The following GRIK2 variants were observed in gnomAD, a reference collection of about 807,000 sequenced individuals.
GRIK2 encodes glutamate ionotropic receptor kainate type subunit 2, also known as glutamate receptor ionotropic, kainate 2.
Under a neutral mutation model 100.3 loss-of-function variants are expected in GRIK2, and 32 were observed. The ratio of observed to expected loss-of-function variants is 0.32; its 90% CI spans 0.24 to 0.43. GRIK2 has a LOEUF of 0.43. Among genes scored for constraint, GRIK2 ranks in the 20% least tolerant of loss-of-function variants. The probability of loss-of-function intolerance (pLI) is 1.00; values close to 1 mark genes in which losing one functional copy is unlikely to be tolerated. For synonymous variants in GRIK2, 417 were observed against 389.4 expected, an observed-to-expected ratio of 1.07 and a Z score of -0.83; for missense variants, 843 against 1,114.9, an observed-to-expected ratio of 0.76 and a Z score of 3.47.
At chr6:101,785,757 T>A (rs1378951102) in intron 7 of GRIK2, among the ~76,000 whole-genome samples, 1 of 152,156 alleles carries the variant, frequency 6.6e-6, no homozygotes, top group Non-Finnish European at 1.5e-5. Flanking sequence ...TTGTGATGCC[T>A]TCAGCTTTTT....
At chr6:101,946,429 G>A (rs1341792725) in intron 14 of GRIK2, among the ~76,000 whole-genome samples, 1 of 151,980 alleles carries the variant, frequency 6.6e-6, no homozygotes, top group African/African-American at 2.4e-5. Context: ...TACACAGGAG[G>A]CTGAGGTGGG....
chr6:101,642,214 C>G (rs1781306110), intron 4 of GRIK2, among the ~76,000 whole-genome samples: 1 of 151,752 alleles, frequency 6.6e-6, no homozygotes, highest in Admixed American at 6.6e-5. Context: ...GTACCATAAT[C>G]TTGTATTCAG....
At chr6:101,707,669 C>T (rs1056854134) in intron 7 of GRIK2, among the ~76,000 whole-genome samples, 22 of 146,958 alleles carry the variant, frequency 1.5e-4, no homozygotes, top group Non-Finnish European at 2.5e-4. Flanking sequence ...ATTCTGCAAG[C>T]GGGAAAAGAG....
intron 7 of GRIK2, among the ~76,000 whole-genome samples, chr6:101,743,226 TAAAC>T (rs1309385250): frequency 1.3e-5 from 2 of 152,038 alleles, no homozygotes; most frequent in Non-Finnish European, 2.9e-5. Context: ...AAAAACAACT[TAAAC>T]AATCGTTACC....
chr6:101,403,757 G>A (rs1487526006), intron 2 of GRIK2, among the ~76,000 whole-genome samples: 1 of 152,174 alleles, frequency 6.6e-6, no homozygotes, highest in African/African-American at 2.4e-5. Context: ...ACATCTGGAA[G>A]CAGGAAAACT....
intron 2 of GRIK2, among the ~76,000 whole-genome samples, chr6:101,486,356 A>C (rs929846451): frequency 7.4e-6 from 1 of 134,526 alleles, no homozygotes; most frequent in African/African-American, 2.7e-5. Context: ...GCCGAACTTG[A>C]AAAGCAGCAG....
At chr6:101,721,908 C>A (rs1001440889) in intron 7 of GRIK2, among the ~76,000 whole-genome samples, 1 of 151,960 alleles carries the variant, frequency 6.6e-6, no homozygotes, top group African/African-American at 2.4e-5. Context: ...ATGTTTCATG[C>A]TTTTCAAGGA....
At chr6:101,695,796 C>T (rs1772443970) in intron 7 of GRIK2, among the ~76,000 whole-genome samples, 1 of 152,028 alleles carries the variant, frequency 6.6e-6, no homozygotes, top group Non-Finnish European at 1.5e-5. Flanking sequence ...GTTCAGAATA[C>T]TTACATTAAG....
intron 2 of GRIK2, among the ~76,000 whole-genome samples, chr6:101,602,641 G>A (rs1684653554): frequency 6.6e-6 from 1 of 151,366 alleles, no homozygotes; most frequent in Non-Finnish European, 1.5e-5. Flanking sequence ...TGAGTTCATT[G>A]GTTATATGAC....
At chr6:101,988,560 T>C (rs1333287002) in intron 14 of GRIK2, among the ~76,000 whole-genome samples, 1 of 151,846 alleles carries the variant, frequency 6.6e-6, no homozygotes, top group Non-Finnish European at 1.5e-5. Context: ...CTTAATGCTC[T>C]GTGACTTATC....
At chr6:102,026,092 G>T (rs1210472039) in intron 14 of GRIK2, among the ~76,000 whole-genome samples, 2 of 108,464 alleles carry the variant, frequency 1.8e-5, no homozygotes, top group African/African-American at 3.6e-5. Flanking sequence ...AATGGTAAAG[G>T]CATATACATA....
chr6:101,586,381 A>G (rs1382835868), intron 2 of GRIK2, among the ~76,000 whole-genome samples: 2 of 152,124 alleles, frequency 1.3e-5, no homozygotes, highest in Non-Finnish European at 2.9e-5. Flanking sequence ...CATGGTACAG[A>G]GATCTCCAAG....
intron 14 of GRIK2, among the ~76,000 whole-genome samples, chr6:101,934,448 A>G (rs1403405195): frequency 3.3e-5 from 5 of 152,006 alleles, no homozygotes; most frequent in Non-Finnish European, 5.9e-5. Context: ...GGGTGATTGT[A>G]TATGATAGTA....
At chr6:101,861,968 G>A (rs1784759365) in intron 11 of GRIK2, among the ~76,000 whole-genome samples, 1 of 152,108 alleles carries the variant, frequency 6.6e-6, no homozygotes, top group Non-Finnish European at 1.5e-5. Context: ...TTGGATCCTG[G>A]TAAAATAGTT....
At chr6:102,006,160 C>T (rs929190490) in intron 14 of GRIK2, among the ~76,000 whole-genome samples, 6 of 151,390 alleles carry the variant, frequency 4.0e-5, no homozygotes, top group Non-Finnish European at 8.8e-5. Context: ...GAATTCTGCT[C>T]AGTAAATATT....
intron 2 of GRIK2, among the ~76,000 whole-genome samples, chr6:101,495,306 C>A (rs1773380652): frequency 6.6e-6 from 1 of 151,788 alleles, no homozygotes; most frequent in Admixed American, 6.6e-5. Context: ...GAGATCGAGA[C>A]CATCCTGGCT....
intron 2 of GRIK2, among the ~76,000 whole-genome samples, chr6:101,565,915 T>TTATTTATATA: frequency 8.1e-6 from 1 of 123,312 alleles, no homozygotes; most frequent in Admixed American, 8.1e-5. Context: ...TATACCTATT[T>TTATTTATATA]TATATATATA....
intron 4 of GRIK2, among the ~76,000 whole-genome samples, chr6:101,663,636 A>G (rs1302153165): frequency 6.6e-6 from 1 of 152,222 alleles, no homozygotes; most frequent in Non-Finnish European, 1.5e-5. Context: ...TTTGGTGAAA[A>G]ATAAGAGTGA....
At chr6:102,007,646 A>G (rs1795309592) in intron 14 of GRIK2, among the ~76,000 whole-genome samples, 1 of 152,122 alleles carries the variant, frequency 6.6e-6, no homozygotes, top group Non-Finnish European at 1.5e-5. Flanking sequence ...TTGTTGAAAC[A>G]GATGGAATCA....
Sources: allele counts gnomAD v4.1 joint callset (sites outside exome capture counted in the v4.1 genomes callset), GRCh38; gene constraint gnomAD v4.1.1; transcripts MANE v1.5; gene names NCBI Gene and HGNC (gene_info 2026-07-23, HGNC 2026-07-21).